SNX18: variants seen among roughly 807,000 people sequenced by gnomAD.
The protein encoded by SNX18 is sorting nexin 18, also known as sorting nexin-18.
In SNX18, 35 loss-of-function variants were observed where a neutral mutation model predicts 48.7. That is an observed-to-expected ratio of 0.72 (90% CI 0.55 to 0.95). SNX18 has a LOEUF of 0.95. Ranked by LOEUF, SNX18 falls within the 40% of genes least tolerant of loss-of-function variation. The pLI, the probability that SNX18 is intolerant of heterozygous loss-of-function variation, is 0.00. For missense variants in SNX18, 824 were observed against 871.0 expected, an observed-to-expected ratio of 0.95 and a Z score of 0.68; for synonymous variants, 492 against 384.7, an observed-to-expected ratio of 1.28 and a Z score of -3.26.
rs1761981512 is a variant in SNX18, at chr5:54,519,816, T to C, written c.1621+243T>C. On this transcript the variant is annotated intron_variant, in intron 1 of 1. Transcript: ENST00000381410. ...TTTCTCGAAGGTTCAAAGAGTACCT[T>C]TGATGACAGTGCTATCATTTTAGAG... The C allele has an allele frequency of 2.5e-6, 4 of 1,608,522 alleles. No homozygotes were observed. The South Asian group carries it at 4.4e-5, about 18-fold the overall frequency.
At chr5:54,522,490 A>G (rs1762050282) in intron 1 of SNX18, among the ~76,000 whole-genome samples, 2 of 152,220 alleles carry the variant, frequency 1.3e-5, no homozygotes. Flanking sequence ...ATATTTTAAT[A>G]TAGTTTCCTG....
chr5:54,605,637 G>A, the SNX18 span, among the ~76,000 whole-genome samples: 1 of 152,068 alleles, frequency 6.6e-6, no homozygotes, highest in Non-Finnish European at 1.5e-5. Flanking sequence ...AAATTATTGA[G>A]ATTTTTTATG....
chr5:54,609,486 A>C, the SNX18 span, among the ~76,000 whole-genome samples: 2 of 151,996 alleles, frequency 1.3e-5, no homozygotes, highest in Non-Finnish European at 2.9e-5. Flanking sequence ...TTATTTATTT[A>C]TAATATCTTA....
At chr5:54,634,936 AT>A in the SNX18 span, among the ~76,000 whole-genome samples, 1 of 152,116 alleles carries the variant, frequency 6.6e-6, no homozygotes, top group Non-Finnish European at 1.5e-5. Context: ...TAAAAACTAA[AT>A]TTTTGTTACA....
the SNX18 span, among the ~76,000 whole-genome samples, chr5:54,599,813 C>T: frequency 2.0e-5 from 3 of 152,094 alleles, no homozygotes; most frequent in African/African-American, 4.8e-5. Flanking sequence ...ACCACTTCCT[C>T]ACACCTTATA....
chr5:54,596,879 A>G, the SNX18 span, among the ~76,000 whole-genome samples: 1 of 152,170 alleles, frequency 6.6e-6, no homozygotes, highest in Non-Finnish European at 1.5e-5. Context: ...ATTGGTTAGT[A>G]TCTGGGACTG....
chr5:54,610,221 T>C, the SNX18 span, among the ~76,000 whole-genome samples: 1 of 152,158 alleles, frequency 6.6e-6, no homozygotes, highest in Non-Finnish European at 1.5e-5. Context: ...AGTAATACAG[T>C]ATGACTTAGG....
the SNX18 span, among the ~76,000 whole-genome samples, chr5:54,586,681 C>G: frequency 6.6e-6 from 1 of 152,212 alleles, no homozygotes; most frequent in African/African-American, 2.4e-5. Context: ...GGCCTAATCA[C>G]TTCTTAAAGG....
At chr5:54,606,094 AG>A in the SNX18 span, among the ~76,000 whole-genome samples, 1 of 152,250 alleles carries the variant, frequency 6.6e-6, no homozygotes, top group South Asian at 2.1e-4. Flanking sequence ...CAATAAATAA[AG>A]ATGTATTATG....
intron 1 of SNX18, 111 bp from the exon 2 acceptor site, chr5:54,543,068 A>G (rs1270153677): frequency 6.7e-6 from 7 of 1,049,880 alleles, no homozygotes; most frequent in Non-Finnish European, 9.3e-6. Flanking sequence ...AAGGTATTGA[A>G]AATAGTTTGG....
chr5:54,576,873 C>T, the SNX18 span, among the ~76,000 whole-genome samples: 2 of 152,208 alleles, frequency 1.3e-5, no homozygotes, highest in Non-Finnish European at 2.9e-5. Flanking sequence ...ACCATCTCAG[C>T]TCACTGCAGC....
the SNX18 span, among the ~76,000 whole-genome samples, chr5:54,602,489 C>T: frequency 2.0e-5 from 3 of 152,104 alleles, no homozygotes; most frequent in Admixed American, 1.3e-4. Context: ...GGGACGTTAG[C>T]GGTGGCAGAG....
chr5:54,629,423 T>A, the SNX18 span, among the ~76,000 whole-genome samples: 3 of 152,264 alleles, frequency 2.0e-5, no homozygotes, highest in East Asian at 5.8e-4. Context: ...CACTTTTCTG[T>A]GCACTCAGAT....
chr5:54,548,705 T>C (rs1762611122), downstream of SNX18, among the ~76,000 whole-genome samples: 1 of 152,238 alleles, frequency 6.6e-6, no homozygotes, highest in African/African-American at 2.4e-5. Context: ...ATAACAATTT[T>C]AGAAGTAGAT....
At chr5:54,538,274 C>T (rs1234245836) in intron 1 of SNX18, among the ~76,000 whole-genome samples, 1 of 152,134 alleles carries the variant, frequency 6.6e-6, no homozygotes, top group Non-Finnish European at 1.5e-5. Flanking sequence ...AAATATGTTT[C>T]CACTTTCTTT....
At chr5:54,563,520 C>A in the SNX18 span, among the ~76,000 whole-genome samples, 2 of 152,220 alleles carry the variant, frequency 1.3e-5, no homozygotes, top group African/African-American at 2.4e-5. Context: ...GTGCAGTAGA[C>A]TATTCTGTCA....
chr5:54,571,433 A>G, the SNX18 span, among the ~76,000 whole-genome samples: 22 of 152,272 alleles, frequency 1.4e-4, no homozygotes, highest in East Asian at 4.2e-3. Context: ...TTTTCAAGGG[A>G]TCTTTACCTG....
chr5:54,585,297 GAAAA>G, the SNX18 span, among the ~76,000 whole-genome samples: 3 of 96,252 alleles, frequency 3.1e-5, no homozygotes, highest in Admixed American at 1.1e-4. Flanking sequence ...GTCCCAAAAA[GAAAA>G]AAAAAAAAAA....
At position 54,517,922 on chromosome 5, in the gene SNX18, A is replaced by C. The variant is rs1248472500; in HGVS notation, c.-31A>C. On this transcript the variant is annotated 5_prime_UTR_variant, in exon 1 of 2. Transcript: ENST00000381410. Reference sequence around the variant, plus strand: ...GTGGGCCTCGGCTCGGGACGCCGGGAGTCGGGACCGCCAGTCGGGGCGCCG... The same window carrying C: ...GTGGGCCTCGGCTCGGGACGCCGGGCGTCGGGACCGCCAGTCGGGGCGCCG... 1.5e-5 allele frequency: 22 copies of C among 1,483,216 alleles called. No homozygotes were observed. The highest frequency in any genetic ancestry group is 2.0e-5 in the Non-Finnish European group (22 of 1,121,846). 91.9% of individuals were successfully genotyped at this position (1,483,216 alleles called of 1,614,324 possible). A position where few individuals can be genotyped will look rare whatever the true frequency, so the allele number is the denominator to read the frequency against.
Sources: allele counts gnomAD v4.1 joint callset (sites outside exome capture counted in the v4.1 genomes callset), GRCh38; gene constraint gnomAD v4.1.1; transcripts MANE v1.5; gene names NCBI Gene and HGNC (gene_info 2026-07-23, HGNC 2026-07-21).